Variants in EIF2B3 observed in about 807,000 individuals in gnomAD.
The protein encoded by EIF2B3 is translation initiation factor eIF2B subunit gamma.
EIF2B3 carries 20 observed loss-of-function variants against 54.1 expected under a neutral mutation model. The ratio of observed to expected loss-of-function variants is 0.37; its 90% confidence interval spans 0.26 to 0.54. EIF2B3 has a LOEUF of 0.54. Among genes scored for constraint, EIF2B3 ranks in the 20% least tolerant of loss-of-function variants. The pLI is 0.86. For synonymous variants in EIF2B3, 153 were observed against 188.1 expected (o/e 0.81, Z 1.52); for missense variants, 448 against 547.8 (o/e 0.82, Z 1.82).
Position 44,981,150 on chromosome 1 carries a change from C to A in EIF2B3, c.19G>T (p.Val7Leu), listed in dbSNP as rs1452372773. The A allele has an allele frequency of 2.5e-6, 4 of 1,612,860 alleles. No homozygotes were observed. The highest frequency in any genetic ancestry group is 2.5e-6 in the Non-Finnish European group (3 of 1,179,892). ...CGAGATCCTCCACCTACTGCCATCA[C>A]TACTGCTTGAAATTCCATTTTTACA... MEFQAV[V>L]MAVGGGSRMT... Residue 7 changes from valine (V) to leucine (L), a missense_variant, in exon 2 of 12, where the codon GTG (valine) becomes TTG (leucine). This residue lies in a region of EIF2B3 where 95 missense variants were observed against 115.7 expected (regional missense o/e 0.82). Transcript: ENST00000360403.
chr1:44,904,326 G>A (rs529864884), intron 5 of EIF2B3, among the ~76,000 whole-genome samples: 2 of 152,300 alleles, frequency 1.3e-5, no homozygotes, highest in African/African-American at 4.8e-5. Flanking sequence ...GAAGTGTCAT[G>A]GATGGCTTCT....
intron 4 of EIF2B3, 148 bp downstream of exon 4, chr1:44,941,358 G>A: frequency 1.1e-6 from 1 of 879,054 alleles, no homozygotes; most frequent in East Asian, 2.6e-5. Context: ...TTCAGGGACT[G>A]TGTCTTATTT....
intron 1 of EIF2B3, among the ~76,000 whole-genome samples, chr1:44,984,241 C>T (rs1488037877): frequency 6.6e-6 from 1 of 151,860 alleles, no homozygotes; most frequent in African/African-American, 2.4e-5. Context: ...GCTCATGCTC[C>T]CAGCACTTTG....
At chr1:44,886,014 G>A (rs1042849007) in intron 6 of EIF2B3, among the ~76,000 whole-genome samples, 5 of 151,338 alleles carry the variant, frequency 3.3e-5, no homozygotes, top group African/African-American at 1.2e-4. Flanking sequence ...CAAAGTGCTG[G>A]GATTACAGGC....
chr1:44,942,688 A>G (rs1412430818), intron 3 of EIF2B3, among the ~76,000 whole-genome samples: 1 of 150,708 alleles, frequency 6.6e-6, no homozygotes, highest in Non-Finnish European at 1.5e-5. Context: ...TCGGCCTCCC[A>G]AAGTGTTGGG....
intron 5 of EIF2B3, among the ~76,000 whole-genome samples, chr1:44,908,740 T>C (rs969176093): frequency 2.6e-5 from 4 of 152,156 alleles, no homozygotes; most frequent in African/African-American, 4.8e-5. Flanking sequence ...TTCTGGAGAA[T>C]GTTGAAAAAA....
At chr1:44,950,600 TTTAAATTA>T (rs1467921278) in intron 3 of EIF2B3, among the ~76,000 whole-genome samples, 2 of 152,256 alleles carry the variant, frequency 1.3e-5, no homozygotes, top group South Asian at 4.1e-4. Flanking sequence ...TATTGAATTA[TTTAAATTA>T]TTAAATTATT....
intron 4 of EIF2B3, 119 bp downstream of exon 4, chr1:44,941,387 C>G: frequency 8.2e-7 from 1 of 1,224,906 alleles, no homozygotes; most frequent in Non-Finnish European, 1.1e-6. Flanking sequence ...GTCATCAACT[C>G]CTAGCACAGA....
intron 4 of EIF2B3, among the ~76,000 whole-genome samples, chr1:44,930,573 C>T (rs548432679): frequency 3.9e-5 from 6 of 152,188 alleles, no homozygotes; most frequent in African/African-American, 1.4e-4. Flanking sequence ...CTGGGCTAAC[C>T]CCCTGGATGG....
At chr1:44,964,973 G>A (rs1644321563) in intron 3 of EIF2B3, among the ~76,000 whole-genome samples, 1 of 152,122 alleles carries the variant, frequency 6.6e-6, no homozygotes, top group South Asian at 2.1e-4. Context: ...CCAATGGCTG[G>A]TTACCCCAGA....
chr1:44,956,856 A>T (rs1172671061), intron 3 of EIF2B3, among the ~76,000 whole-genome samples: 1 of 152,238 alleles, frequency 6.6e-6, no homozygotes, highest in African/African-American at 2.4e-5. Flanking sequence ...AAACTATACA[A>T]GTACTAGAAG....
At chr1:44,925,097 GA>G (rs1231760633) in intron 5 of EIF2B3, 3 of 152,138 alleles carry the variant, frequency 2.0e-5, no homozygotes, top group Non-Finnish European at 4.4e-5. Flanking sequence ...GTAAAATAGT[GA>G]AAATGCCATG....
intron 10 of EIF2B3, among the ~76,000 whole-genome samples, chr1:44,866,127 G>C (rs1427323244): frequency 1.3e-5 from 2 of 152,202 alleles, no homozygotes; most frequent in East Asian, 3.9e-4. Context: ...GCCAGGCATG[G>C]TGGCTCACGC....
chr1:44,928,144 C>G (rs1031153214), intron 4 of EIF2B3, among the ~76,000 whole-genome samples: 1 of 150,908 alleles, frequency 6.6e-6, no homozygotes, highest in Non-Finnish European at 1.5e-5. Context: ...AGACCAAGAC[C>G]TTCTCTCAGA....
intron 7 of EIF2B3, among the ~76,000 whole-genome samples, chr1:44,880,955 C>T (rs1193129812): frequency 4.6e-5 from 7 of 150,574 alleles, no homozygotes; most frequent in African/African-American, 1.5e-4. Flanking sequence ...AGGGAGACTC[C>T]GTCTCAAAAA....
intron 3 of EIF2B3, among the ~76,000 whole-genome samples, chr1:44,949,731 A>G (rs1425738417): frequency 6.6e-6 from 1 of 152,242 alleles, no homozygotes; most frequent in Admixed American, 6.5e-5. Context: ...GCTGTCCTGG[A>G]GGGCACGGCT....
At chr1:44,966,001 C>T (rs1400105338) in intron 3 of EIF2B3, among the ~76,000 whole-genome samples, 3 of 152,046 alleles carry the variant, frequency 2.0e-5, no homozygotes. Flanking sequence ...AAAGCATAGC[C>T]TCTGAAGGAA....
chr1:44,942,419 T>A lies in EIF2B3; in HGVS notation c.295-754A>T, dbSNP rs12033261. 6.8e-3 allele frequency among the ~76,000 whole-genome samples: 189 copies of A among 27,636 alleles called. 13 individuals carry two copies. The highest frequency in any genetic ancestry group is 0.016 in the East Asian group (5 of 316). The allele number at this position is 27,636 out of a possible 152,430, so 18.1% of individuals were successfully genotyped here. On this transcript the variant is annotated intron_variant, in intron 3 of 11. Coordinates refer to ENST00000360403, the MANE Select transcript of EIF2B3 (RefSeq NM_020365.5). ...TATATATATATATATATATATATAT[T>A]TTTTTTTTTTTTTTTTTTTTTTTTT...
At chr1:44,907,944 A>G (rs539398534) in intron 5 of EIF2B3, among the ~76,000 whole-genome samples, 1 of 150,296 alleles carries the variant, frequency 6.7e-6, no homozygotes, top group South Asian at 2.1e-4. Flanking sequence ...CCCTCTCTGT[A>G]CTCATATCCT....
Sources: allele counts gnomAD v4.1 joint callset (sites outside exome capture counted in the v4.1 genomes callset), GRCh38; gene constraint gnomAD v4.1.1; regional missense constraint gnomAD v4.1.1; transcripts MANE v1.5; gene names NCBI Gene and HGNC (gene_info 2026-07-23, HGNC 2026-07-21).